LDLRAD4: variants seen among roughly 807,000 people sequenced by gnomAD.
LDLRAD4 encodes low density lipoprotein receptor class A domain containing 4.
In LDLRAD4, 5 loss-of-function variants were observed where a neutral mutation model predicts 17.0. The observed-to-expected ratio is 0.29, with a 90% confidence interval of 0.15 to 0.62. The LOEUF (loss-of-function observed/expected upper bound fraction) is 0.62. LDLRAD4 is among the 20% of genes least tolerant of loss of function. The probability of loss-of-function intolerance (pLI) is 0.84; values close to 1 mark genes in which losing one functional copy is unlikely to be tolerated. For synonymous variants in LDLRAD4, 168 were observed against 171.8 expected, an observed-to-expected ratio of 0.98 and a Z score of 0.17; for missense variants, 340 against 424.7, an observed-to-expected ratio of 0.80 and a Z score of 1.75.
chr18:13,625,276 C>G (rs1023555244), intron 4 of LDLRAD4, among the ~76,000 whole-genome samples: 1 of 152,200 alleles, frequency 6.6e-6, no homozygotes, highest in African/African-American at 2.4e-5. Context: ...AGGCTTCACA[C>G]TCTGATTAAA....
intron 3 of LDLRAD4, among the ~76,000 whole-genome samples, chr18:13,593,559 A>ATCTG (rs1399802988): frequency 6.6e-6 from 1 of 150,916 alleles, no homozygotes; most frequent in African/African-American, 2.5e-5. Flanking sequence ...TTATCTATCT[A>ATCTG]TCTGTCTGTC....
chr18:13,325,204 C>T (rs1035112495), intron 1 of LDLRAD4, among the ~76,000 whole-genome samples: 1 of 152,190 alleles, frequency 6.6e-6, no homozygotes, highest in African/African-American at 2.4e-5. Flanking sequence ...TTTTTGCATC[C>T]AGCTTAACTT....
chr18:13,267,239 T>C (rs1432420831), intron 1 of LDLRAD4, among the ~76,000 whole-genome samples: 2 of 152,240 alleles, frequency 1.3e-5, no homozygotes, highest in African/African-American at 4.8e-5. Flanking sequence ...TGCTGTGCAC[T>C]TAAAAATTAT....
In LDLRAD4 at chr18:13,460,869, C is replaced by G. The variant is rs529375584; in HGVS notation, c.181+22485C>G. Among the ~76,000 whole-genome samples the G allele has an allele frequency of 2.0e-5, 3 of 152,286 alleles. No individual in the cohort carries two copies. In the East Asian group the frequency reaches 5.8e-4, roughly 29 times the overall value. On this transcript the variant is annotated intron_variant, in intron 3 of 5. Coordinates refer to ENST00000359446, the Ensembl canonical transcript of LDLRAD4. Reference sequence around the variant, plus strand: ...AAAATAAAAATAAAATTGTTCTCCCCTTTTCTTCCAACACCAAATGAATCA... The same window carrying G: ...AAAATAAAAATAAAATTGTTCTCCCGTTTTCTTCCAACACCAAATGAATCA...
At chr18:13,327,694 G>T (rs1298449078) in intron 1 of LDLRAD4, among the ~76,000 whole-genome samples, 1 of 152,100 alleles carries the variant, frequency 6.6e-6, no homozygotes, top group African/African-American at 2.4e-5. Flanking sequence ...CTTTTAAAGA[G>T]AAAGAAAGTA....
chr18:13,344,877 CTGTT>C (rs1366174438), intron 1 of LDLRAD4, among the ~76,000 whole-genome samples: 7 of 152,286 alleles, frequency 4.6e-5, no homozygotes, highest in South Asian at 2.1e-4. Flanking sequence ...ATTTGGCTCT[CTGTT>C]TGTCTGCTGT....
chr18:13,318,446 G>T (rs933476219), intron 1 of LDLRAD4, among the ~76,000 whole-genome samples: 8 of 152,082 alleles, frequency 5.3e-5, no homozygotes, highest in Non-Finnish European at 1.2e-4. Context: ...ATTTTTAGTA[G>T]AGACGGGGTT....
chr18:13,426,559 C>T (rs1359246434), intron 2 of LDLRAD4, among the ~76,000 whole-genome samples: 5 of 152,178 alleles, frequency 3.3e-5, no homozygotes, highest in East Asian at 1.9e-4. Context: ...CAGCCCCACC[C>T]GTGCCTCTTC....
Position 13,398,817 on chromosome 18 carries a change from G to T in LDLRAD4, c.40+11055G>T, listed in dbSNP as rs1203145266. On this transcript the variant is annotated intron_variant, in intron 2 of 5. Transcript: ENST00000359446. The surrounding 1 kb of genome is among the most constrained non-coding windows in gnomAD (Gnocchi z 4.8). ...AGTGACCAGCCCACCCTCCCCGGGG[G>T]CACTATAGCAACCGTGTGTTGTTGC... Among the ~76,000 whole-genome samples the T allele has an allele frequency of 6.6e-6, 1 of 152,164 alleles. No homozygotes were observed. The highest frequency in any genetic ancestry group is 1.5e-5 in the Non-Finnish European group (1 of 68,038).
chr18:13,459,970 G>T (rs1274075764), intron 3 of LDLRAD4: 1 of 153,950 alleles, frequency 6.5e-6, no homozygotes, highest in Admixed American at 6.5e-5. Context: ...CTCCAGCCCT[G>T]TCACATGGTT....
At chr18:13,412,635 C>T (rs1363828688) in intron 2 of LDLRAD4, among the ~76,000 whole-genome samples, 1 of 152,166 alleles carries the variant, frequency 6.6e-6, no homozygotes, top group Non-Finnish European at 1.5e-5. Context: ...TCCAGCAGGG[C>T]AGGTGGACTG....
intron 1 of LDLRAD4, among the ~76,000 whole-genome samples, chr18:13,322,784 ATT>A (rs34579599): frequency 0.45 from 58,700 of 130,176 alleles, 14,787 homozygotes; most frequent in Non-Finnish European, 0.58. Flanking sequence ...TACATGGCTA[ATT>A]TTTTTTTTTT....
intron 4 of LDLRAD4, among the ~76,000 whole-genome samples, chr18:13,642,928 G>GT (rs113846373): frequency 0.26 from 35,112 of 133,494 alleles, 5,502 homozygotes; most frequent in East Asian, 0.55. Flanking sequence ...TCTATTTTTT[G>GT]TTTTTTTTTT....
At chr18:13,437,205 G>A (rs2090722067) in intron 2 of LDLRAD4, among the ~76,000 whole-genome samples, 1 of 152,210 alleles carries the variant, frequency 6.6e-6, no homozygotes, top group South Asian at 2.1e-4. Flanking sequence ...ACAGAACCAA[G>A]GCCTGGAAAA....
At chr18:13,475,511 T>G (rs888075046) in intron 3 of LDLRAD4, among the ~76,000 whole-genome samples, 3 of 148,598 alleles carry the variant, frequency 2.0e-5, no homozygotes, top group African/African-American at 4.9e-5. Flanking sequence ...CTCAGCCTCC[T>G]AAAGTGCTGG....
chr18:13,406,793 G>T (rs2087797716), intron 2 of LDLRAD4, among the ~76,000 whole-genome samples: 2 of 152,120 alleles, frequency 1.3e-5, no homozygotes, highest in South Asian at 4.1e-4. Context: ...CCTGCTGAGG[G>T]GCCTCTGCAC....
chr18:13,402,686 T>A (rs1047620198), intron 2 of LDLRAD4, among the ~76,000 whole-genome samples: 1 of 152,198 alleles, frequency 6.6e-6, no homozygotes, highest in Non-Finnish European at 1.5e-5. Flanking sequence ...AGTAAACATA[T>A]GTTGAATGAA....
intron 1 of LDLRAD4, among the ~76,000 whole-genome samples, chr18:13,322,537 T>G (rs1196369118): frequency 1.3e-5 from 2 of 152,152 alleles, no homozygotes; most frequent in Non-Finnish European, 2.9e-5. Context: ...TGACCTCAGG[T>G]GATCCACCTG....
At chr18:13,236,258 TC>T (rs1222193972) in intron 1 of LDLRAD4, among the ~76,000 whole-genome samples, 1 of 151,656 alleles carries the variant, frequency 6.6e-6, no homozygotes, top group Non-Finnish European at 1.5e-5. Flanking sequence ...CACTGTTCCA[TC>T]TTTTCCCCCT....
Sources: gnomAD v4.1 joint callset for allele counts (sites outside exome capture counted in the v4.1 genomes callset) on GRCh38, gnomAD v4.1.1 for gene constraint, Gnocchi (gnomAD v3.1) non-coding constraint, MANE v1.5 for transcripts, NCBI Gene and HGNC (gene_info 2026-07-23, HGNC 2026-07-21) for gene names.